Variants in ALMS1 observed in about 807,000 individuals in gnomAD.
The protein encoded by ALMS1 is centrosome-associated protein ALMS1.
In ALMS1, 271 loss-of-function variants were observed where a neutral mutation model predicts 352.2. The observed-to-expected ratio is 0.77, with a 90% CI of 0.70 to 0.85. The LOEUF (loss-of-function observed/expected upper bound fraction) is 0.85. Among genes scored for constraint, ALMS1 ranks in the 40% least tolerant of loss-of-function variants. The pLI, the probability that ALMS1 is intolerant of heterozygous loss-of-function variation, is 0.00. For missense variants in ALMS1, 5,445 were observed against 4,870.7 expected (o/e 1.12, Z -3.51); for synonymous variants, 1,865 against 1,761.2 (o/e 1.06, Z -1.48).
At chr2:73,520,163 C>T in intron 11 of ALMS1, 147 bp downstream of exon 11, 1 of 1,012,606 alleles carries the variant, frequency 9.9e-7, no homozygotes, top group South Asian at 1.4e-5. Context: ...CTTTTATTTG[C>T]ATAGCTGTCA....
chr2:73,490,831 T>G lies in ALMS1; in HGVS notation c.8872T>G (p.Ser2958Ala), dbSNP rs1157500640. 4 of 1,613,858 alleles carry G rather than the reference T, an allele frequency of 2.5e-6. No homozygotes were observed. Among genetic ancestry groups the G allele is most frequent in the Non-Finnish European group, 3.4e-6 (4 of 1,180,018 alleles). The change falls in exon 10 of 23, where the codon TCA (serine) becomes GCA (alanine). Residue 2958 changes from serine to alanine, a missense_variant. By Grantham distance (99) the Ser-to-Ala change is moderately conservative. Transcript: ENST00000613296. The stretch of plus-strand genomic sequence containing the variant: ...TCCTCAAGGTCAGGATTCTATAGCT[T>G]CAGACCTTCCGTCTCCCATTTCTCT... ...PLPQGQDSIA[S>A]DLPSPISLEQ...
At chr2:73,426,226 A>G (rs1463628998) in intron 5 of ALMS1, among the ~76,000 whole-genome samples, 1 of 152,214 alleles carries the variant, frequency 6.6e-6, no homozygotes. Context: ...AAATGCCATT[A>G]AAGGTCCACC....
chr2:73,529,689 C>T (rs1273070116), intron 11 of ALMS1, among the ~76,000 whole-genome samples: 1 of 152,088 alleles, frequency 6.6e-6, no homozygotes, highest in East Asian at 1.9e-4. Context: ...GAGGTACCAC[C>T]GTGGAGGTTG....
At chr2:73,571,030 T>C (rs2104100148) in intron 15 of ALMS1, among the ~76,000 whole-genome samples, 1 of 152,360 alleles carries the variant, frequency 6.6e-6, no homozygotes, top group Non-Finnish European at 1.5e-5. Context: ...ATTTGTTCAG[T>C]GCAGAAGCTG....
Position 73,464,863 on chromosome 2 carries a change from A to C in ALMS1, c.7674+9568A>C, listed in dbSNP as rs186144425. On this transcript the variant is annotated intron_variant, in intron 9 of 22. Coordinates refer to ENST00000613296, the MANE Select transcript of ALMS1 (RefSeq NM_001378454.1). The stretch of plus-strand genomic sequence containing the variant: ...CATTCACAGTTGCTTCAAAGAGAGT[A>C]AAATACCTAGGAATCCAACTTACAA... 8.1e-3 allele frequency among the ~76,000 whole-genome samples: 1,235 copies of C among 152,314 alleles called. 23 individuals are homozygous for C. Among genetic ancestry groups the C allele is most frequent in the African/African-American group, 0.028 (1,168 of 41,548 alleles).
chr2:73,583,714 T>C (rs1675248306), intron 16 of ALMS1, among the ~76,000 whole-genome samples: 1 of 152,234 alleles, frequency 6.6e-6, no homozygotes, highest in South Asian at 2.1e-4. Flanking sequence ...GATATCCAGT[T>C]ATCCAAGCAT....
intron 9 of ALMS1, among the ~76,000 whole-genome samples, chr2:73,479,340 T>A (rs1672647811): frequency 6.6e-6 from 1 of 152,172 alleles, no homozygotes; most frequent in Non-Finnish European, 1.5e-5. Flanking sequence ...CAAAGGTGCC[T>A]CATGATACCT....
In ALMS1 at chr2:73,385,960, C is replaced by G; in HGVS notation, c.92C>G (p.Ala31Gly). The G allele has an allele frequency of 1.4e-6, 2 of 1,399,376 alleles. No homozygotes were observed. Among genetic ancestry groups the G allele is most frequent in the Non-Finnish European group, 2.0e-6 (2 of 1,014,698 alleles). 86.7% of individuals were successfully genotyped at this position (1,399,376 alleles called of 1,614,324 possible). A position where few individuals can be genotyped will look rare whatever the true frequency, so the allele number is the denominator to read the frequency against. ...GAGGAGGAAGAGGAGGAGGCTGCAG[C>G]GGCGGCGGCGGCGAACGTGGACGAC... ...EEEEEEEEAA[A>G]AAAANVDDVV... Residue 31 changes from alanine to glycine, a missense_variant, in exon 1 of 23, where the codon GCG (alanine) becomes GGG (glycine). By Grantham distance (60) the Ala-to-Gly change is moderately conservative. Transcript: ENST00000613296.
At position 73,489,661 on chromosome 2, in the gene ALMS1, T is replaced by G; in HGVS notation, c.7702T>G (p.Cys2568Gly). The change falls in exon 10 of 23, where the codon TGC becomes GGC. Residue 2568 changes from cysteine to glycine, a missense_variant. Coordinates refer to ENST00000613296, the MANE Select transcript of ALMS1 (RefSeq NM_001378454.1). Reference protein sequence around the residue: ...KGLQSPRGMGCKPEAVCSHII... With the variant: ...KGLQSPRGMGGKPEAVCSHII... ...TTTACAGAGTCCACGGGGAATGGGA[T>G]GCAAGCCAGAAGCTGTATGTAGTCA... 1.2e-6 allele frequency: 2 copies of G among 1,614,172 alleles called. No individual in the cohort carries two copies. The highest frequency in any genetic ancestry group is 1.3e-5 in the African/African-American group (1 of 75,054).
chr2:73,422,853 A>G lies in ALMS1; in HGVS notation c.647-4A>G, dbSNP rs1553400427. 1 of 1,604,688 alleles carries G rather than the reference A, an allele frequency of 6.2e-7. No homozygotes were observed. The highest frequency in any genetic ancestry group is 8.5e-7 in the Non-Finnish European group (1 of 1,171,616). On this transcript the variant is annotated splice_polypyrimidine_tract_variant and splice_region_variant and intron_variant, in intron 3 of 22. Coordinates refer to ENST00000613296, the MANE Select transcript of ALMS1 (RefSeq NM_001378454.1). ...CCCAGCATTTAATATTTGAAACTTT[A>G]CAGTCATACAAGATAGCTTTGCTTC...
intron 1 of ALMS1, among the ~76,000 whole-genome samples, chr2:73,396,581 G>A (rs1670765955): frequency 6.9e-6 from 1 of 144,432 alleles, no homozygotes; most frequent in Non-Finnish European, 1.5e-5. Flanking sequence ...TGCAGGATGG[G>A]GCATAGTATT....
At chr2:73,599,914 T>G (rs1459308030) in intron 17 of ALMS1, among the ~76,000 whole-genome samples, 1 of 152,258 alleles carries the variant, frequency 6.6e-6, no homozygotes, top group African/African-American at 2.4e-5. Context: ...AAACATTGTT[T>G]ATAGCAGGAG....
At chr2:73,522,270 C>T (rs1053728268) in intron 11 of ALMS1, among the ~76,000 whole-genome samples, 1 of 152,176 alleles carries the variant, frequency 6.6e-6, no homozygotes, top group African/African-American at 2.4e-5. Context: ...CTGTGAACTG[C>T]ATGGCATATT....
intron 15 of ALMS1, among the ~76,000 whole-genome samples, chr2:73,560,962 A>AC (rs2104069337): frequency 6.6e-6 from 1 of 152,356 alleles, no homozygotes; most frequent in Non-Finnish European, 1.5e-5. Context: ...CAGAACAAAG[A>AC]CAGCACTTGA....
At chr2:73,408,275 C>G (rs954380864) in intron 1 of ALMS1, among the ~76,000 whole-genome samples, 7 of 152,166 alleles carry the variant, frequency 4.6e-5, no homozygotes, top group African/African-American at 1.2e-4. Flanking sequence ...ACTTTTGTTC[C>G]CACTTCTTGT....
intron 16 of ALMS1, among the ~76,000 whole-genome samples, chr2:73,581,490 T>G (rs554697284): frequency 1.3e-5 from 2 of 152,338 alleles, no homozygotes; most frequent in South Asian, 4.1e-4. Context: ...GAAGGCTAAG[T>G]TAAAATGCTA....
chr2:73,520,837 A>T (rs1673660226), intron 11 of ALMS1, among the ~76,000 whole-genome samples: 2 of 152,186 alleles, frequency 1.3e-5, no homozygotes, highest in African/African-American at 4.8e-5. Context: ...ATTGTAAATT[A>T]TTTTCTTTTT....
Position 73,453,561 on chromosome 2 carries a change from G to T in ALMS1, c.7034G>T (p.Arg2345Leu). Residue 2345 changes from arginine (R) to leucine (L), a missense_variant, in exon 8 of 23, where the codon CGG (arginine) becomes CTG (leucine). By Grantham distance (102) the Arg-to-Leu change is moderately radical. Transcript: ENST00000613296. ...DIGTQTNLKCRRGIENWEFIS... is the reference protein window; with the variant it reads ...DIGTQTNLKCLRGIENWEFIS... The stretch of plus-strand genomic sequence containing the variant: ...GGCACACAGACGAATTTGAAATGCC[G>T]GAGAGGCATTGAAAATTGGGAGTTT... 6.2e-7 allele frequency: 1 copy of T among 1,613,788 alleles called. No individual in the cohort carries two copies. The highest frequency in any genetic ancestry group is 1.3e-5 in the African/African-American group (1 of 74,954).
chr2:73,542,032 TC>T (rs1376469526), intron 12 of ALMS1, among the ~76,000 whole-genome samples: 2 of 152,276 alleles, frequency 1.3e-5, no homozygotes, highest in East Asian at 3.9e-4. Context: ...GCCAGCATCA[TC>T]CTGATACCAA....
Sources: allele counts gnomAD v4.1 joint callset (sites outside exome capture counted in the v4.1 genomes callset), GRCh38; gene constraint gnomAD v4.1.1; transcripts MANE v1.5; gene names NCBI Gene and HGNC (gene_info 2026-07-23, HGNC 2026-07-21).